The following RBMS1 variants were observed in gnomAD, a reference collection of about 807,000 sequenced individuals.
RBMS1 encodes RNA-binding motif, single-stranded-interacting protein 1.
A neutral mutation model predicts 62.3 loss-of-function variants in RBMS1; 17 were observed. The observed-to-expected ratio is 0.27, with a 90% CI of 0.19 to 0.41. The LOEUF (loss-of-function observed/expected upper bound fraction) is 0.41, where lower values mean the gene tolerates loss of function less well. Among genes scored for constraint, RBMS1 ranks in the 10% least tolerant of loss-of-function variants. The probability of loss-of-function intolerance (pLI) is 1.00; values close to 1 mark genes in which losing one functional copy is unlikely to be tolerated. For missense variants in RBMS1, 334 were observed against 504.5 expected, an observed-to-expected ratio of 0.66 and a Z score of 3.24; for synonymous variants, 172 against 170.0, an observed-to-expected ratio of 1.01 and a Z score of -0.09.
chr2:160,417,807 C>T (rs1696263518), intron 1 of RBMS1, among the ~76,000 whole-genome samples: 2 of 152,146 alleles, frequency 1.3e-5, no homozygotes, highest in African/African-American at 4.8e-5. Flanking sequence ...AAATATTTGT[C>T]AAACACTCAT....
intron 1 of RBMS1, among the ~76,000 whole-genome samples, chr2:160,370,599 G>C (rs1693674297): frequency 6.6e-6 from 1 of 152,188 alleles, no homozygotes; most frequent in East Asian, 1.9e-4. Context: ...TAGGCCATGT[G>C]CCAGGGCCAC....
At chr2:160,308,728 T>C (rs965434804) in intron 4 of RBMS1, among the ~76,000 whole-genome samples, 12 of 152,288 alleles carry the variant, frequency 7.9e-5, no homozygotes, top group African/African-American at 2.6e-4. Flanking sequence ...AGGGGTCCTT[T>C]TCCTTAGCCA....
chr2:160,417,447 G>A (rs1013530147), intron 1 of RBMS1, among the ~76,000 whole-genome samples: 1 of 152,120 alleles, frequency 6.6e-6, no homozygotes, highest in African/African-American at 2.4e-5. Context: ...ACCATTAATT[G>A]TCAGAATAAA....
At chr2:160,467,331 C>T (rs183615838) in intron 1 of RBMS1, among the ~76,000 whole-genome samples, 65 of 152,148 alleles carry the variant, frequency 4.3e-4, no homozygotes, top group African/African-American at 1.5e-3. Context: ...TTAGTGAGAG[C>T]CAAGGAGAAG....
chr2:160,344,289 A>G (rs1201486507), intron 2 of RBMS1, among the ~76,000 whole-genome samples: 1 of 152,196 alleles, frequency 6.6e-6, no homozygotes, highest in Non-Finnish European at 1.5e-5. Flanking sequence ...AACAGCAGGT[A>G]TTACTAAGAA....
At chr2:160,306,105 G>A (rs999482257) in intron 4 of RBMS1, among the ~76,000 whole-genome samples, 2 of 150,740 alleles carry the variant, frequency 1.3e-5, no homozygotes, top group African/African-American at 4.9e-5. Context: ...TTCCAGCCTG[G>A]GCAAGAGCAA....
intron 1 of RBMS1, among the ~76,000 whole-genome samples, chr2:160,437,281 A>C (rs1683148541): frequency 6.6e-6 from 1 of 152,158 alleles, no homozygotes; most frequent in Non-Finnish European, 1.5e-5. Context: ...AGCCCTTCTA[A>C]AGGAACTCTT....
intron 1 of RBMS1, among the ~76,000 whole-genome samples, chr2:160,479,976 GA>G (rs897899587): frequency 6.6e-6 from 1 of 152,044 alleles, no homozygotes; most frequent in African/African-American, 2.4e-5. Context: ...TATAAAGCAT[GA>G]AAAAAATACA....
chr2:160,420,475 C>T (rs1696379790), intron 1 of RBMS1, among the ~76,000 whole-genome samples: 2 of 152,118 alleles, frequency 1.3e-5, no homozygotes, highest in South Asian at 4.1e-4. Context: ...CTAAATTAGG[C>T]CAGCTCAGTG....
chr2:160,490,306 T>TA (rs60444709), intron 1 of RBMS1, among the ~76,000 whole-genome samples: 71,066 of 143,908 alleles, frequency 0.49, 17,396 homozygotes, highest in East Asian at 0.69. Flanking sequence ...CACTGAGAAA[T>TA]AAAAAAAAAA....
chr2:160,354,790 C>T (rs527903003), intron 2 of RBMS1, among the ~76,000 whole-genome samples: 3 of 152,250 alleles, frequency 2.0e-5, no homozygotes, highest in African/African-American at 7.2e-5. Flanking sequence ...GACAAGTGGT[C>T]CTGGCCCCTT....
chr2:160,370,676 C>T (rs963315736), intron 1 of RBMS1, among the ~76,000 whole-genome samples: 4 of 152,200 alleles, frequency 2.6e-5, no homozygotes, highest in Admixed American at 2.0e-4. Context: ...CAGAGCAGAG[C>T]CTTCAAACAG....
intron 1 of RBMS1, among the ~76,000 whole-genome samples, chr2:160,410,897 C>G (rs969847506): frequency 8.5e-5 from 13 of 152,216 alleles, no homozygotes; most frequent in Non-Finnish European, 1.5e-5. Flanking sequence ...GCGTGTGCCA[C>G]CACGCCTGTC....
intron 1 of RBMS1, among the ~76,000 whole-genome samples, chr2:160,485,276 T>C (rs937530875): frequency 6.6e-6 from 1 of 152,084 alleles, no homozygotes; most frequent in Non-Finnish European, 1.5e-5. Context: ...GCACCTCCCA[T>C]CTTCTTGAAA....
At chr2:160,417,917 A>G (rs1322896359) in intron 1 of RBMS1, among the ~76,000 whole-genome samples, 1 of 152,192 alleles carries the variant, frequency 6.6e-6, no homozygotes, top group African/African-American at 2.4e-5. Context: ...TCTTACAAGT[A>G]GTGGGCACAG....
At chr2:160,369,984 T>C (rs1693632954) in intron 1 of RBMS1, among the ~76,000 whole-genome samples, 1 of 152,220 alleles carries the variant, frequency 6.6e-6, no homozygotes, top group Non-Finnish European at 1.5e-5. Flanking sequence ...CAGTTTAATA[T>C]AAATTTGATG....
chr2:160,450,552 A>AG (rs71006604), intron 1 of RBMS1, among the ~76,000 whole-genome samples: 1 of 100,058 alleles, frequency 1.0e-5, no homozygotes, highest in East Asian at 2.7e-4. Flanking sequence ...AAAAAAATAA[A>AG]AAATAAAAAA....
At chr2:160,379,754 C>T (rs1374604411) in intron 1 of RBMS1, among the ~76,000 whole-genome samples, 1 of 152,180 alleles carries the variant, frequency 6.6e-6, no homozygotes, top group African/African-American at 2.4e-5. Context: ...TTTTACTTTT[C>T]TGTTGCTAAA....
intron 1 of RBMS1, among the ~76,000 whole-genome samples, chr2:160,463,278 T>C (rs1684547594): frequency 1.3e-5 from 2 of 152,228 alleles, no homozygotes; most frequent in African/African-American, 4.8e-5. Context: ...GAAAGCTGAT[T>C]CTTACTCACT....
Sources: gnomAD v4.1 joint callset for allele counts (sites outside exome capture counted in the v4.1 genomes callset) on GRCh38, gnomAD v4.1.1 for gene constraint, MANE v1.5 for transcripts, NCBI Gene and HGNC (gene_info 2026-07-23, HGNC 2026-07-21) for gene names.